The following KIF27 variants were observed in gnomAD, a reference collection of about 807,000 sequenced individuals.
The protein encoded by KIF27 is kinesin family member 27.
KIF27 carries 84 observed loss-of-function variants against 141.8 expected under a neutral mutation model. That is an observed-to-expected ratio of 0.59 (90% confidence interval 0.50 to 0.71). The LOEUF (loss-of-function observed/expected upper bound fraction) is 0.71. KIF27 is among the 30% of genes least tolerant of loss of function. The probability of loss-of-function intolerance (pLI) is 0.00; values close to 1 mark genes in which losing one functional copy is unlikely to be tolerated. For synonymous variants in KIF27, 471 were observed against 569.5 expected (o/e 0.83, Z 2.46); for missense variants, 1,306 against 1,628.4 (o/e 0.80, Z 3.41).
At chr9:83,841,389 T>C (rs1049394001) in intron 17 of KIF27, among the ~76,000 whole-genome samples, 1 of 152,192 alleles carries the variant, frequency 6.6e-6, no homozygotes, top group African/African-American at 2.4e-5. Flanking sequence ...TTCTATTACA[T>C]TTTCAGCATA....
chr9:83,868,630 A>G (rs927877521), intron 12 of KIF27: 3 of 152,220 alleles, frequency 2.0e-5, no homozygotes, highest in African/African-American at 7.2e-5. Flanking sequence ...TACCAAGTGG[A>G]CATGGTAATG....
At chr9:83,917,991 T>A (rs1955861914) in intron 1 of KIF27, among the ~76,000 whole-genome samples, 1 of 152,094 alleles carries the variant, frequency 6.6e-6, no homozygotes, top group Non-Finnish European at 1.5e-5. Flanking sequence ...CCCATAAATA[T>A]GTACAATGAT....
intron 11 of KIF27, among the ~76,000 whole-genome samples, chr9:83,879,098 AAC>A (rs1564359496): frequency 6.6e-6 from 1 of 151,360 alleles, no homozygotes; most frequent in Non-Finnish European, 1.5e-5. Context: ...GAATCACTTG[AAC>A]CCAGGAGGCG....
rs755852835 is a variant in KIF27, at chr9:83,853,858, A to G, written c.3151-23T>C. 32 of 1,510,060 alleles carry G rather than the reference A, an allele frequency of 2.1e-5. No homozygotes were observed. The African/African-American group carries it at 2.8e-4, about 13-fold the overall frequency. 93.5% of individuals were successfully genotyped at this position (1,510,060 alleles called of 1,614,324 possible). A position where few individuals can be genotyped will look rare whatever the true frequency, so the allele number is the denominator to read the frequency against. On this transcript the variant is annotated intron_variant, in intron 14 of 17. Transcript: ENST00000297814. The stretch of plus-strand genomic sequence containing the variant: ...TTCCTAGATATAACAGAAATCACTC[A>G]TTTTAAATGAAATAGTATAACTTTG...
At chr9:83,901,354 G>C (rs1953869282) in intron 4 of KIF27, among the ~76,000 whole-genome samples, 1 of 152,014 alleles carries the variant, frequency 6.6e-6, no homozygotes, top group Admixed American at 6.6e-5. Context: ...TGTTGAGTTT[G>C]GTATAATAGG....
chr9:83,845,112 T>C lies in KIF27; in HGVS notation c.3557-2711A>G, dbSNP rs556356571. On this transcript the variant is annotated intron_variant, in intron 16 of 17. Transcript: ENST00000297814. ...TGTCAGTGGCAGATAGGGATGCTGT[T>C]TGGAGCCTCTCCCAGGCCCCCCATA... Among the ~76,000 whole-genome samples, 76 of 152,282 alleles carry C rather than the reference T, an allele frequency of 5.0e-4. 2 individuals carry two copies. The South Asian group carries it at 0.016, about 32-fold the overall frequency.
chr9:83,873,141 C>T (rs539012248), intron 11 of KIF27, among the ~76,000 whole-genome samples: 1 of 152,304 alleles, frequency 6.6e-6, no homozygotes, highest in Middle Eastern at 3.4e-3. Context: ...GAAGGGAAAG[C>T]ACCCCCATGC....
At chr9:83,867,609 T>C (rs977118775) in intron 13 of KIF27, 75 bp downstream of exon 13, 1 of 1,449,742 alleles carries the variant, frequency 6.9e-7, no homozygotes. Flanking sequence ...ATTATGTTTT[T>C]CTGATTATAG....
At position 83,907,291 on chromosome 9, in the gene KIF27, A is replaced by AAAATAAAT. The variant is rs201873830; in HGVS notation, c.499+1153_499+1160dup. 1.6e-3 allele frequency among the ~76,000 whole-genome samples: 223 copies of AAAATAAAT among 138,486 alleles called. 1 individual carries two copies. The highest frequency in any genetic ancestry group is 6.7e-3 in the East Asian group (32 of 4,772). 90.9% of individuals were successfully genotyped at this position (138,486 alleles called of 152,430 possible). ...GGTGACAGAGCAAGACTCCATCTCA[A>AAAATAAAT]AAATAAATAAATAAATAAATAAATA... On this transcript the variant is annotated intron_variant, in intron 3 of 17. Coordinates refer to ENST00000297814, the MANE Select transcript of KIF27 (RefSeq NM_017576.4).
At chr9:83,898,503 G>A (rs1480711756) in intron 5 of KIF27, among the ~76,000 whole-genome samples, 6 of 152,150 alleles carry the variant, frequency 3.9e-5, no homozygotes, top group South Asian at 2.1e-4. Context: ...GGAAGAGGGA[G>A]GAATAATAAT....
In KIF27 at chr9:83,903,912, C is replaced by T; in HGVS notation, c.606G>A (p.Glu202=). Residue 202 remains glutamate (E), a synonymous_variant, in exon 4 of 18, where the codon GAG becomes GAA. Coordinates refer to ENST00000297814, the MANE Select transcript of KIF27 (RefSeq NM_017576.4). ...ARHTGTTQMN[E]HSSRSHAIFT... ...AAATTGCATGTGATCTGCTGGAGTG[C>T]TCATTCATTTGAGTGGTACCTGTAT... 1.2e-6 allele frequency: 2 copies of T among 1,614,114 alleles called. No individual in the cohort carries two copies. The highest frequency in any genetic ancestry group is 1.1e-5 in the South Asian group (1 of 91,080).
At chr9:83,906,812 G>A (rs1954595417) in intron 3 of KIF27, among the ~76,000 whole-genome samples, 1 of 148,100 alleles carries the variant, frequency 6.8e-6, no homozygotes, top group African/African-American at 2.5e-5. Context: ...CCTAGAAACA[G>A]CCTAAATGTC....
rs181154374 is a variant in KIF27 at position 83,857,019 on chromosome 9, T to C, written c.3150+2137A>G. Among the ~76,000 whole-genome samples, 1,206 of 151,296 alleles carry C rather than the reference T, an allele frequency of 8.0e-3. 13 individuals carry two copies. The highest frequency in any genetic ancestry group is 0.019 in the Admixed American group (282 of 15,182). On this transcript the variant is annotated intron_variant, in intron 14 of 17. Coordinates refer to ENST00000297814, the MANE Select transcript of KIF27 (RefSeq NM_017576.4). ...TCCTCCCTACTTATTAAGCAACTAC[T>C]CTGTATTATTAGAAATCTAAAGTTC...
intron 1 of KIF27, among the ~76,000 whole-genome samples, chr9:83,920,258 A>AAATGGGAT (rs1956123315): frequency 6.6e-6 from 1 of 152,236 alleles, no homozygotes; most frequent in African/African-American, 2.4e-5. Flanking sequence ...GTCCACAAAC[A>AAATGGGAT]TAGGGCTTGT....
chr9:83,899,577 C>T (rs1235726138), intron 5 of KIF27, 84 bp downstream of exon 5: 1 of 947,750 alleles, frequency 1.1e-6, no homozygotes, highest in Non-Finnish European at 1.6e-6. Flanking sequence ...TTTTTAAGTT[C>T]CCATTTATCA....
At chr9:83,842,435 T>A in intron 16 of KIF27, 34 bp from the exon 17 acceptor site, 1 of 1,474,532 alleles carries the variant, frequency 6.8e-7, no homozygotes, top group South Asian at 1.4e-5. Context: ...AAAATCAGTT[T>A]TAAATAAATG....
At chr9:83,872,505 T>C (rs1447249833) in intron 11 of KIF27, among the ~76,000 whole-genome samples, 3 of 152,204 alleles carry the variant, frequency 2.0e-5, no homozygotes, top group African/African-American at 7.2e-5. Context: ...GATACTTTTA[T>C]AGCAATTTGA....
At position 83,899,762 on chromosome 9, in the gene KIF27, G is replaced by T. The variant is rs754873051; in HGVS notation, c.1501C>A (p.Leu501Met). 6.2e-6 allele frequency: 10 copies of T among 1,613,498 alleles called. No homozygotes were observed. Among genetic ancestry groups the T allele is most frequent in the Non-Finnish European group, 2.5e-6 (3 of 1,179,624 alleles). Residue 501 changes from leucine (L) to methionine (M), a missense_variant, in exon 5 of 18, where the codon CTG (leucine) becomes ATG (methionine). By Grantham distance (15) the Leu-to-Met change is conservative. This residue lies in a region of KIF27 where 29 missense variants were observed against 60.3 expected (regional missense o/e 0.48). Coordinates refer to ENST00000297814, the MANE Select transcript of KIF27 (RefSeq NM_017576.4). ...ADEVVFNQKELEVKELKNQVQ... is the reference protein window; with the variant it reads ...ADEVVFNQKEMEVKELKNQVQ... ...TGATTCTTCAGTTCCTTCACCTCCA[G>T]TTCCTTCTGATTAAATACTACTTCA...
At chr9:83,883,784 A>G (rs1257465930) in intron 10 of KIF27, 29 bp downstream of exon 10, 1 of 1,500,334 alleles carries the variant, frequency 6.7e-7, no homozygotes, top group Admixed American at 1.7e-5. Context: ...AGCTTAAATA[A>G]GTTTTCTCAA....
Sources: gnomAD v4.1 joint callset for allele counts (sites outside exome capture counted in the v4.1 genomes callset) on GRCh38, gnomAD v4.1.1 for gene constraint, gnomAD v4.1.1 regional missense constraint, MANE v1.5 for transcripts, NCBI Gene and HGNC (gene_info 2026-07-23, HGNC 2026-07-21) for gene names.